The following SEMA5A variants were observed in gnomAD, a reference collection of about 807,000 sequenced individuals.
SEMA5A encodes semaphorin 5A.
In SEMA5A, 55 loss-of-function variants were observed where a neutral mutation model predicts 135.5. That is an observed-to-expected ratio of 0.41 (90% CI 0.33 to 0.51). The LOEUF is 0.51. SEMA5A is among the 20% of genes least tolerant of loss of function. The pLI, the probability that SEMA5A is intolerant of heterozygous loss-of-function variation, is 0.37. For missense variants in SEMA5A, 1,290 were observed against 1,419.9 expected (o/e 0.91, Z 1.47); for synonymous variants, 580 against 546.5 (o/e 1.06, Z -0.85).
intron 3 of SEMA5A, among the ~76,000 whole-genome samples, chr5:9,355,953 G>A (rs750775386): frequency 2.4e-4 from 36 of 152,148 alleles, no homozygotes; most frequent in Non-Finnish European, 4.7e-4. Context: ...TGGCTATGAC[G>A]ATTTTGATCT....
chr5:9,332,263 T>C (rs950969274), intron 4 of SEMA5A, among the ~76,000 whole-genome samples: 7 of 139,766 alleles, frequency 5.0e-5, no homozygotes, highest in South Asian at 4.9e-4. Context: ...GGCTGGTACA[T>C]TGGGTCAGGT....
At chr5:9,116,417 C>A (rs959049611) in intron 15 of SEMA5A, among the ~76,000 whole-genome samples, 1 of 152,144 alleles carries the variant, frequency 6.6e-6, no homozygotes, top group African/African-American at 2.4e-5. Context: ...TCCAGAAAAT[C>A]TTTTCAAGGA....
chr5:9,523,760 T>C (rs1736964138), intron 1 of SEMA5A, among the ~76,000 whole-genome samples: 1 of 152,134 alleles, frequency 6.6e-6, no homozygotes. Flanking sequence ...GGGATGATCC[T>C]CAGGAGCAGA....
chr5:9,210,097 C>T (rs1746260300), intron 8 of SEMA5A, among the ~76,000 whole-genome samples: 1 of 152,172 alleles, frequency 6.6e-6, no homozygotes, highest in Admixed American at 6.5e-5. Flanking sequence ...ATGAGGTTTC[C>T]TTGACTCATG....
intron 18 of SEMA5A, among the ~76,000 whole-genome samples, chr5:9,059,461 A>C (rs1175175587): frequency 6.6e-6 from 1 of 152,240 alleles, no homozygotes; most frequent in Non-Finnish European, 1.5e-5. Flanking sequence ...TTGACTTAGA[A>C]ACCTTATTAT....
At chr5:9,443,470 T>C (rs1050220810) in intron 1 of SEMA5A, among the ~76,000 whole-genome samples, 1 of 152,232 alleles carries the variant, frequency 6.6e-6, no homozygotes, top group Non-Finnish European at 1.5e-5. Flanking sequence ...TAATCTATCA[T>C]TATAAAATGG....
chr5:9,444,714 C>T (rs1040605178), intron 1 of SEMA5A, among the ~76,000 whole-genome samples: 3 of 152,168 alleles, frequency 2.0e-5, no homozygotes, highest in African/African-American at 7.2e-5. Context: ...CCAGTAGTTG[C>T]ACCACCTAAA....
chr5:9,324,347 C>T (rs957213201), intron 4 of SEMA5A, among the ~76,000 whole-genome samples: 8 of 152,022 alleles, frequency 5.3e-5, no homozygotes, highest in South Asian at 4.2e-4. Flanking sequence ...GGATTACAGG[C>T]GTGAGCCACC....
intron 10 of SEMA5A, among the ~76,000 whole-genome samples, chr5:9,193,803 C>T (rs1219168041): frequency 4.6e-5 from 7 of 152,138 alleles, no homozygotes; most frequent in Non-Finnish European, 1.0e-4. Flanking sequence ...GAGGCTGAGG[C>T]AGACAATTGC....
At chr5:9,411,433 GT>G (rs1757102725) in intron 2 of SEMA5A, among the ~76,000 whole-genome samples, 1 of 152,188 alleles carries the variant, frequency 6.6e-6, no homozygotes, top group African/African-American at 2.4e-5. Flanking sequence ...GCAAAAGTGT[GT>G]TGTTAGTTGC....
chr5:9,384,665 G>GAT (rs1561208254), intron 2 of SEMA5A, among the ~76,000 whole-genome samples: 7 of 109,476 alleles, frequency 6.4e-5, no homozygotes, highest in South Asian at 3.0e-4. Flanking sequence ...GATAGATATA[G>GAT]ATAGATAGAT....
At chr5:9,128,196 C>G (rs1741220745) in intron 13 of SEMA5A, among the ~76,000 whole-genome samples, 1 of 152,166 alleles carries the variant, frequency 6.6e-6, no homozygotes, top group South Asian at 2.1e-4. Context: ...GCTGGCACCA[C>G]CGGCCATGCT....
chr5:9,439,730 G>A (rs774981374), intron 1 of SEMA5A, among the ~76,000 whole-genome samples: 3 of 152,178 alleles, frequency 2.0e-5, no homozygotes, highest in South Asian at 4.1e-4. Flanking sequence ...CATCCCTGCC[G>A]AATCCAGCAT....
At chr5:9,476,396 A>C (rs1209253550) in intron 1 of SEMA5A, among the ~76,000 whole-genome samples, 2 of 152,044 alleles carry the variant, frequency 1.3e-5, no homozygotes, top group Non-Finnish European at 2.9e-5. Context: ...TAGGTGAAAA[A>C]TAGTTGATAG....
At chr5:9,442,156 C>T (rs1287388896) in intron 1 of SEMA5A, among the ~76,000 whole-genome samples, 1 of 152,218 alleles carries the variant, frequency 6.6e-6, no homozygotes, top group East Asian at 1.9e-4. Context: ...AATGTCCTGC[C>T]TGATGAGAGA....
At chr5:9,452,012 GA>G (rs1758663101) in intron 1 of SEMA5A, among the ~76,000 whole-genome samples, 1 of 152,206 alleles carries the variant, frequency 6.6e-6, no homozygotes. Context: ...TAATCTGCCT[GA>G]TGTTACATAA....
intron 1 of SEMA5A, among the ~76,000 whole-genome samples, chr5:9,451,587 C>A (rs1362990370): frequency 6.6e-6 from 1 of 152,184 alleles, no homozygotes; most frequent in Admixed American, 6.5e-5. Flanking sequence ...AACCACCAAA[C>A]CATAATTTGA....
chr5:9,353,334 AAATGAAAGGAAAGGAAAGGG>A lies in SEMA5A; in HGVS notation c.125-15542_125-15523del, dbSNP rs1561177831. On this transcript the variant is annotated intron_variant, in intron 3 of 22. Transcript: ENST00000382496. ...GAAGGGAAAGGAAGGAAAGGAAAGGAAATGAAAGGAAAGGAAAGGGAAGGAAAGGAAAGGAAAGGAAAGGA... is the reference window on the plus strand; with the variant it reads ...GAAGGGAAAGGAAGGAAAGGAAAGGAAAGGAAAGGAAAGGAAAGGAAAGGA... Among the ~76,000 whole-genome samples, 162 of 123,742 alleles carry A rather than the reference AAATGAAAGGAAAGGAAAGGG, an allele frequency of 1.3e-3. 4 individuals are homozygous for A. The highest frequency in any genetic ancestry group is 2.0e-3 in the Non-Finnish European group (115 of 58,030). The allele number at this position is 123,742 out of a possible 152,430, so 81.2% of individuals were successfully genotyped here.
At chr5:9,503,920 C>T (rs1438574801) in intron 1 of SEMA5A, among the ~76,000 whole-genome samples, 15 of 152,230 alleles carry the variant, frequency 9.9e-5, no homozygotes, top group Non-Finnish European at 1.9e-4. Flanking sequence ...CTAATTATAA[C>T]GAAATACATT....
Sources: gnomAD v4.1 joint callset for allele counts (sites outside exome capture counted in the v4.1 genomes callset) on GRCh38, gnomAD v4.1.1 for gene constraint, MANE v1.5 for transcripts, NCBI Gene and HGNC (gene_info 2026-07-23, HGNC 2026-07-21) for gene names.